The following PTPRN2 variants were observed in gnomAD, a reference collection of about 807,000 sequenced individuals.
PTPRN2 encodes the protein receptor-type tyrosine-protein phosphatase N2.
PTPRN2 carries 74 observed loss-of-function variants against 118.8 expected under a neutral mutation model. That is an observed-to-expected ratio of 0.62 (90% confidence interval 0.52 to 0.76). The LOEUF (loss-of-function observed/expected upper bound fraction) is 0.76. PTPRN2 is among the 30% of genes least tolerant of loss of function. PTPRN2 has a pLI of 0.00. For synonymous variants in PTPRN2, 641 were observed against 608.0 expected, an observed-to-expected ratio of 1.05 and a Z score of -0.80; for missense variants, 1,481 against 1,394.4, an observed-to-expected ratio of 1.06 and a Z score of -0.99.
chr7:157,757,856 C>T (rs557003582), intron 12 of PTPRN2, among the ~76,000 whole-genome samples: 4 of 152,218 alleles, frequency 2.6e-5, no homozygotes, highest in African/African-American at 4.8e-5. Flanking sequence ...CCTGGGGCCC[C>T]GCGAATGAAC....
At chr7:158,367,508 G>A (rs1029846207) in intron 2 of PTPRN2, among the ~76,000 whole-genome samples, 1 of 152,174 alleles carries the variant, frequency 6.6e-6, no homozygotes, top group African/African-American at 2.4e-5. Context: ...CTGGGCGGTG[G>A]CACTCACACT....
chr7:157,850,694 A>C (rs1334445193), intron 12 of PTPRN2, among the ~76,000 whole-genome samples: 4 of 152,214 alleles, frequency 2.6e-5, no homozygotes, highest in African/African-American at 9.6e-5. Flanking sequence ...AAGGTGTAGA[A>C]TAGCCTGGGA....
chr7:158,384,026 G>A (rs946017727), intron 2 of PTPRN2, among the ~76,000 whole-genome samples: 1 of 152,160 alleles, frequency 6.6e-6, no homozygotes, highest in African/African-American at 2.4e-5. Context: ...CATTTTCAGG[G>A]ACAGAACTTT....
intron 11 of PTPRN2, among the ~76,000 whole-genome samples, chr7:158,046,959 A>G (rs899313668): frequency 2.0e-5 from 3 of 152,210 alleles, no homozygotes; most frequent in African/African-American, 7.2e-5. Context: ...ATCCTGCAGG[A>G]TCAGTACAGG....
intron 2 of PTPRN2, among the ~76,000 whole-genome samples, chr7:158,441,040 TAGTGATGG>T (rs1817034222): frequency 7.4e-6 from 1 of 134,912 alleles, no homozygotes; most frequent in African/African-American, 3.0e-5. Flanking sequence ...ACAGTGGTAG[TAGTGATGG>T]TGGTAGTGAT....
intron 1 of PTPRN2, among the ~76,000 whole-genome samples, chr7:158,571,886 A>G (rs1274626591): frequency 6.6e-6 from 1 of 152,238 alleles, no homozygotes; most frequent in Non-Finnish European, 1.5e-5. Context: ...GTGGAGATGA[A>G]TAAGAACTTC....
At chr7:158,179,706 G>C (rs908692259) in intron 5 of PTPRN2, among the ~76,000 whole-genome samples, 1 of 152,142 alleles carries the variant, frequency 6.6e-6, no homozygotes, top group Non-Finnish European at 1.5e-5. Flanking sequence ...CAACTTCAGA[G>C]GCCGGGCTGG....
chr7:158,419,793 G>A (rs551928611), intron 2 of PTPRN2, among the ~76,000 whole-genome samples: 22 of 152,220 alleles, frequency 1.4e-4, no homozygotes, highest in South Asian at 4.2e-4. Context: ...ATGTCTGACC[G>A]GACTTGGAAG....
At chr7:158,131,186 T>C (rs2150425661) in intron 9 of PTPRN2, among the ~76,000 whole-genome samples, 1 of 148,492 alleles carries the variant, frequency 6.7e-6, no homozygotes, top group East Asian at 2.0e-4. Context: ...AATACACATC[T>C]ACCTGACATA....
chr7:157,736,770 G>A (rs1585341817), intron 12 of PTPRN2, among the ~76,000 whole-genome samples: 2 of 152,276 alleles, frequency 1.3e-5, no homozygotes, highest in African/African-American at 4.8e-5. Flanking sequence ...CTGCTCTTTC[G>A]TGGACGGCGC....
intron 3 of PTPRN2, among the ~76,000 whole-genome samples, chr7:158,261,375 GAC>G (rs774088688): frequency 1.8e-4 from 28 of 152,238 alleles, no homozygotes; most frequent in East Asian, 1.4e-3. Flanking sequence ...GAACTTGTGA[GAC>G]ACAATCCCTT....
intron 2 of PTPRN2, among the ~76,000 whole-genome samples, chr7:158,410,784 GGA>G (rs1413885186): frequency 2.0e-5 from 3 of 147,962 alleles, no homozygotes; most frequent in African/African-American, 7.5e-5. Flanking sequence ...GTCCCTGTAG[GGA>G]GAGGAGAAGA....
chr7:158,469,735 C>CAAAAAA lies in PTPRN2; in HGVS notation c.163+19994_163+19999dup, dbSNP rs56040599. ...CAGCAAGTGAGAGAGAAAACCTGGC[C>CAAAAAA]AAAAAAAAAAAAAAAAAAATGCAAA... On this transcript the variant is annotated intron_variant, in intron 2 of 22. Transcript: ENST00000389418. 1.4e-3 allele frequency among the ~76,000 whole-genome samples: 96 copies of CAAAAAA among 67,450 alleles called. 2 individuals are homozygous for CAAAAAA. The highest frequency in any genetic ancestry group is 4.2e-3 in the African/African-American group (89 of 20,958). 44.2% of individuals were successfully genotyped at this position (67,450 alleles called of 152,430 possible).
intron 12 of PTPRN2, among the ~76,000 whole-genome samples, chr7:157,783,680 C>T (rs1358318958): frequency 6.6e-6 from 1 of 151,834 alleles, no homozygotes; most frequent in Non-Finnish European, 1.5e-5. Flanking sequence ...AGAGAAGACG[C>T]CCTGGCAGGA....
rs1036224632 is a variant in PTPRN2, at chr7:157,974,374, C to T, written c.1724-75637G>A. ...AAATCCCCTTTAATTTCAAACAGGG[C>T]CCTTCCACCTGCCCTTGATTCCCTG... is the stretch of plus-strand genomic sequence containing the variant. On this transcript the variant is annotated intron_variant, in intron 11 of 22. Coordinates refer to ENST00000389418, the MANE Select transcript of PTPRN2 (RefSeq NM_002847.5). The surrounding 1 kb of genome is among the most constrained non-coding windows in gnomAD (Gnocchi z 4.0). Among the ~76,000 whole-genome samples, 1 of 152,216 alleles carries T rather than the reference C, an allele frequency of 6.6e-6. No individual in the cohort carries two copies. The highest frequency in any genetic ancestry group is 1.9e-4 in the East Asian group (1 of 5,190).
rs571392437 is a variant in PTPRN2, at chr7:158,128,060, T to A, written c.1556+5617A>T. Among the ~76,000 whole-genome samples the A allele has an allele frequency of 6.4e-4, 98 of 151,994 alleles. No homozygotes were observed. In the Middle Eastern group the frequency reaches 0.014, roughly 21 times the overall value. ...CACCAAGAGCATGTGGATGCTGAGG[T>A]GACACCGAGTTCTAAACCACATTCC... On this transcript the variant is annotated intron_variant, in intron 9 of 22. Coordinates refer to ENST00000389418, the MANE Select transcript of PTPRN2 (RefSeq NM_002847.5).
intron 13 of PTPRN2, among the ~76,000 whole-genome samples, chr7:157,662,277 G>T (rs1021485375): frequency 1.3e-5 from 2 of 152,218 alleles, no homozygotes; most frequent in African/African-American, 4.8e-5. Context: ...CACACCAGGT[G>T]ATTATTTGCT....
chr7:157,576,125 T>G (rs1311518410), intron 19 of PTPRN2, among the ~76,000 whole-genome samples: 1 of 152,180 alleles, frequency 6.6e-6, no homozygotes, highest in Non-Finnish European at 1.5e-5. Context: ...AAAACTGAAT[T>G]TTTTAAAGAG....
At chr7:158,114,594 A>AGAG (rs576793652) in intron 9 of PTPRN2, among the ~76,000 whole-genome samples, 5 of 152,198 alleles carry the variant, frequency 3.3e-5, no homozygotes, top group Non-Finnish European at 7.3e-5. Context: ...CAGAGATGAG[A>AGAG]GAGGAGGAGG....
Sources: gnomAD v4.1 joint callset for allele counts (sites outside exome capture counted in the v4.1 genomes callset) on GRCh38, gnomAD v4.1.1 for gene constraint, Gnocchi (gnomAD v3.1) non-coding constraint, MANE v1.5 for transcripts, NCBI Gene and HGNC (gene_info 2026-07-23, HGNC 2026-07-21) for gene names.